Variants in NCOA3 observed in about 807,000 individuals in gnomAD.
The protein encoded by NCOA3 is CBP-interacting protein.
A neutral mutation model predicts 158.8 loss-of-function variants in NCOA3; 51 were observed. The ratio of observed to expected loss-of-function variants is 0.32; its 90% CI spans 0.26 to 0.41. The LOEUF (loss-of-function observed/expected upper bound fraction) is 0.41. Among genes scored for constraint, NCOA3 ranks in the 10% least tolerant of loss-of-function variants. NCOA3 has a pLI of 1.00. For missense variants in NCOA3, 1,510 were observed against 1,746.6 expected (o/e 0.86, Z 2.41); for synonymous variants, 537 against 592.4 (o/e 0.91, Z 1.36).
intron 1 of NCOA3, among the ~76,000 whole-genome samples, chr20:47,573,655 T>A (rs147943276): frequency 1.3e-5 from 2 of 152,298 alleles, no homozygotes; most frequent in East Asian, 3.9e-4. Context: ...CCAGGAAAAA[T>A]TGAGGAAAAA....
At chr20:47,565,854 T>A (rs1436848001) in intron 1 of NCOA3, among the ~76,000 whole-genome samples, 1 of 152,206 alleles carries the variant, frequency 6.6e-6, no homozygotes, top group Non-Finnish European at 1.5e-5. Flanking sequence ...CCCATGACCA[T>A]CCACTAACTT....
In NCOA3 at chr20:47,650,968, T is replaced by C; in HGVS notation, c.3652-14T>C. On this transcript the variant is annotated splice_polypyrimidine_tract_variant and intron_variant, in intron 19 of 22. Transcript: ENST00000371998. ...TGCTATATATATGTAATTGCACTCT[T>C]TCTTGGGTATTAGCAGGGTTTTCTT... 6.2e-7 allele frequency: 1 copy of C among 1,611,946 alleles called. No homozygotes were observed. The highest frequency in any genetic ancestry group is 1.1e-5 in the South Asian group (1 of 91,036).
rs76866903 is a variant in NCOA3 at position 47,566,513 on chromosome 20, C to T, written c.-98-16670C>T. ...TCTTCTTCCCCCTTATCTATATCAC[C>T]TTATTTATTTATTTTTGAGATAGGG... On this transcript the variant is annotated intron_variant, in intron 1 of 22. Transcript: ENST00000371998. Among the ~76,000 whole-genome samples the T allele has an allele frequency of 5.3e-5, 8 of 151,604 alleles. No individual in the cohort carries two copies. In the East Asian group the frequency reaches 1.4e-3, roughly 26 times the overall value.
chr20:47,569,717 C>G (rs951965423), intron 1 of NCOA3, among the ~76,000 whole-genome samples: 4 of 150,246 alleles, frequency 2.7e-5, no homozygotes, highest in Non-Finnish European at 5.9e-5. Context: ...CTCTCAAAAC[C>G]CTGCTGCTCA....
In NCOA3 at chr20:47,529,691, G is replaced by T. The variant is rs189084211; in HGVS notation, c.-99+27672G>T. On this transcript the variant is annotated intron_variant, in intron 1 of 22. Transcript: ENST00000371998. ...CTCTCAAAGTGTTGTGATTACAGGCGTGAGCCACTGCTCCTGGCCTTACCT... is the reference window on the plus strand; with the variant it reads ...CTCTCAAAGTGTTGTGATTACAGGCTTGAGCCACTGCTCCTGGCCTTACCT... 6.8e-4 allele frequency among the ~76,000 whole-genome samples: 103 copies of T among 152,316 alleles called. 2 individuals carry two copies. Among genetic ancestry groups the T allele is most frequent in the African/African-American group, 2.3e-3 (97 of 41,572 alleles).
At chr20:47,543,833 T>C (rs1026594558) in intron 1 of NCOA3, among the ~76,000 whole-genome samples, 2 of 152,172 alleles carry the variant, frequency 1.3e-5, no homozygotes, top group African/African-American at 4.8e-5. Context: ...TCTAATCAAG[T>C]ATTTGGTCAC....
chr20:47,562,997 G>A (rs539940234), intron 1 of NCOA3, among the ~76,000 whole-genome samples: 2 of 152,250 alleles, frequency 1.3e-5, no homozygotes, highest in South Asian at 4.1e-4. Context: ...CCTCTCCACT[G>A]GGCCTCCCAA....
chr20:47,623,807 A>T (rs1421392757), intron 3 of NCOA3, 104 bp from the exon 4 acceptor site: 7 of 1,044,468 alleles, frequency 6.7e-6, no homozygotes, highest in East Asian at 2.9e-5. Flanking sequence ...AAAAAAAAAA[A>T]GTAATCATGT....
chr20:47,641,324 CTTTTTTTTTTT>C (rs34173277), intron 16 of NCOA3, among the ~76,000 whole-genome samples: 6 of 96,568 alleles, frequency 6.2e-5, no homozygotes, highest in East Asian at 5.7e-4. Flanking sequence ...CTCAACATTT[CTTTTTTTTTTT>C]TTTTTTTTTT....
chr20:47,560,099 G>A lies in NCOA3; in HGVS notation c.-98-23084G>A, dbSNP rs184689698. Among the ~76,000 whole-genome samples the A allele has an allele frequency of 2.9e-3, 444 of 151,576 alleles. 5 individuals are homozygous for A. The highest frequency in any genetic ancestry group is 0.01 in the African/African-American group (431 of 41,372). On this transcript the variant is annotated intron_variant, in intron 1 of 22. Transcript: ENST00000371998. ...CCACACCTGGCCTTAATTTTTTTTT[G>A]GAGACAGTTTCGCTCTGTTGCCCAG...
chr20:47,606,362 C>T (rs1160487228), intron 2 of NCOA3, among the ~76,000 whole-genome samples: 2 of 152,112 alleles, frequency 1.3e-5, no homozygotes, highest in African/African-American at 2.4e-5. Context: ...GTGTTTGCAC[C>T]GATGGTGGAA....
chr20:47,540,420 A>C (rs1435058121), intron 1 of NCOA3, among the ~76,000 whole-genome samples: 1 of 151,990 alleles, frequency 6.6e-6, no homozygotes, highest in Non-Finnish European at 1.5e-5. Flanking sequence ...TAAAAATACA[A>C]AAATTAGCTG....
At chr20:47,593,573 G>A (rs1398812121) in intron 2 of NCOA3, among the ~76,000 whole-genome samples, 1 of 151,336 alleles carries the variant, frequency 6.6e-6, no homozygotes, top group Non-Finnish European at 1.5e-5. Flanking sequence ...TCGATCTCCT[G>A]ACCTCGTGAT....
At chr20:47,632,931 T>C (rs1383958866) in intron 8 of NCOA3, among the ~76,000 whole-genome samples, 1 of 152,182 alleles carries the variant, frequency 6.6e-6, no homozygotes, top group Non-Finnish European at 1.5e-5. Context: ...TCTGCCTGCC[T>C]TGGCCTCCCA....
At chr20:47,599,400 CA>C (rs1181017095) in intron 2 of NCOA3, among the ~76,000 whole-genome samples, 2 of 150,990 alleles carry the variant, frequency 1.3e-5, no homozygotes, top group South Asian at 2.1e-4. Flanking sequence ...GGAATGGGAG[CA>C]GGGGGGAATA....
intron 8 of NCOA3, among the ~76,000 whole-genome samples, chr20:47,629,833 A>G (rs6018600): frequency 0.57 from 86,921 of 152,070 alleles, 25,304 homozygotes; most frequent in Middle Eastern, 0.7. Context: ...TCTTTAAGCA[A>G]TTTAGCAAGT....
At chr20:47,572,486 C>G (rs2085309413) in intron 1 of NCOA3, among the ~76,000 whole-genome samples, 1 of 151,982 alleles carries the variant, frequency 6.6e-6, no homozygotes, top group Admixed American at 6.6e-5. Context: ...CTTTCAGCCT[C>G]AGCTTTTTGA....
intron 1 of NCOA3, among the ~76,000 whole-genome samples, chr20:47,552,320 T>TA (rs1466842026): frequency 6.6e-6 from 1 of 152,232 alleles, no homozygotes; most frequent in Non-Finnish European, 1.5e-5. Context: ...TGTAATACTT[T>TA]AATTTTATTC....
intron 2 of NCOA3, among the ~76,000 whole-genome samples, chr20:47,620,465 G>A (rs1019430356): frequency 6.6e-6 from 1 of 152,084 alleles, no homozygotes; most frequent in African/African-American, 2.4e-5. Flanking sequence ...TTTTATTTGA[G>A]GATAATTTTA....
Sources: allele counts gnomAD v4.1 joint callset (sites outside exome capture counted in the v4.1 genomes callset), GRCh38; gene constraint gnomAD v4.1.1; transcripts MANE v1.5; gene names NCBI Gene and HGNC (gene_info 2026-07-23, HGNC 2026-07-21).